TNFSF4: variants seen among roughly 807,000 people sequenced by gnomAD.
TNFSF4 encodes the protein tumor necrosis factor ligand superfamily member 4.
Under a neutral mutation model 7.3 loss-of-function variants are expected in TNFSF4, and 4 were observed. That is an observed-to-expected ratio of 0.55 (90% CI 0.27 to 1.25). The LOEUF is 1.25. TNFSF4 is among the 50% of genes most tolerant of loss of function. TNFSF4 has a pLI of 0.12. For synonymous variants in TNFSF4, 76 were observed against 83.7 expected (o/e 0.91, Z 0.50); for missense variants, 181 against 208.8 (o/e 0.87, Z 0.82).
the TNFSF4 span, among the ~76,000 whole-genome samples, chr1:173,246,267 A>G: frequency 6.6e-6 from 1 of 152,054 alleles, no homozygotes; most frequent in Non-Finnish European, 1.5e-5. Context: ...TTTAAGCCCC[A>G]TATGCATTAG....
chr1:173,217,720 T>G, the TNFSF4 span, among the ~76,000 whole-genome samples: 31 of 152,174 alleles, frequency 2.0e-4, no homozygotes, highest in African/African-American at 7.2e-5. Context: ...ACAATTAATT[T>G]TATCTGTTTC....
the TNFSF4 span, chr1:173,418,143 G>T: frequency 2.0e-5 from 3 of 152,286 alleles, no homozygotes; most frequent in Non-Finnish European, 4.4e-5. Context: ...CAGCTCTGCT[G>T]AAGCACGCAG....
chr1:173,228,176 C>G, the TNFSF4 span, among the ~76,000 whole-genome samples: 1 of 152,184 alleles, frequency 6.6e-6, no homozygotes, highest in Non-Finnish European at 1.5e-5. Flanking sequence ...GGAGGCACCC[C>G]CGAGTAGGAG....
chr1:173,409,696 T>A, the TNFSF4 span, among the ~76,000 whole-genome samples: 1 of 152,224 alleles, frequency 6.6e-6, no homozygotes, highest in Non-Finnish European at 1.5e-5. Context: ...TTCTTAAAAA[T>A]CAAGTATTCT....
chr1:173,400,356 C>T, the TNFSF4 span, among the ~76,000 whole-genome samples: 1 of 152,190 alleles, frequency 6.6e-6, no homozygotes, highest in Non-Finnish European at 1.5e-5. Flanking sequence ...GCTGTTTCTC[C>T]CATAGCCAGG....
At chr1:173,339,254 T>C in the TNFSF4 span, among the ~76,000 whole-genome samples, 1 of 152,060 alleles carries the variant, frequency 6.6e-6, no homozygotes, top group East Asian at 1.9e-4. Context: ...TGGTGGTGCA[T>C]GCTTGTAGTT....
At chr1:173,428,038 C>T in the TNFSF4 span, among the ~76,000 whole-genome samples, 2 of 151,794 alleles carry the variant, frequency 1.3e-5, no homozygotes, top group African/African-American at 4.8e-5. Flanking sequence ...ACCTTCACCT[C>T]CCAGGTTCAA....
chr1:173,173,065 G>A, the TNFSF4 span, among the ~76,000 whole-genome samples: 2 of 152,270 alleles, frequency 1.3e-5, no homozygotes, highest in East Asian at 3.9e-4. Context: ...ACTATCATGA[G>A]AACAGCTTGG....
the TNFSF4 span, chr1:173,363,352 AACT>A: frequency 3.2e-6 from 1 of 310,192 alleles, no homozygotes; most frequent in Non-Finnish European, 6.5e-6. Flanking sequence ...TGCAGCTATC[AACT>A]GAGATATCAG....
the TNFSF4 span, among the ~76,000 whole-genome samples, chr1:173,346,010 A>G: frequency 1.3e-5 from 2 of 152,136 alleles, no homozygotes; most frequent in Non-Finnish European, 2.9e-5. Flanking sequence ...GGGAGGATTT[A>G]ACGAGAGGGC....
chr1:173,383,017 G>A, the TNFSF4 span, among the ~76,000 whole-genome samples: 350 of 152,244 alleles, frequency 2.3e-3, 5 homozygotes, highest in African/African-American at 8.1e-3. Context: ...CTGGTACTCT[G>A]CTTGGGATCT....
At chr1:173,226,860 C>A in the TNFSF4 span, among the ~76,000 whole-genome samples, 1 of 152,160 alleles carries the variant, frequency 6.6e-6, no homozygotes, top group African/African-American at 2.4e-5. Flanking sequence ...AGATTTGCAG[C>A]TTTACTTATT....
chr1:173,243,944 T>C, the TNFSF4 span, among the ~76,000 whole-genome samples: 1 of 152,350 alleles, frequency 6.6e-6, no homozygotes, highest in East Asian at 1.9e-4. Flanking sequence ...TGTATCTTGA[T>C]ACATTATTGC....
the TNFSF4 span, among the ~76,000 whole-genome samples, chr1:173,419,175 C>A: frequency 2.0e-5 from 3 of 151,514 alleles, no homozygotes; most frequent in Non-Finnish European, 4.4e-5. Context: ...CCATCTCTAC[C>A]AAAAAAATAC....
chr1:173,395,821 T>C, the TNFSF4 span, among the ~76,000 whole-genome samples: 1 of 151,660 alleles, frequency 6.6e-6, no homozygotes, highest in East Asian at 1.9e-4. Flanking sequence ...ATTCTAGTAG[T>C]TTTTTTTGCC....
chr1:173,362,904 C>A, the TNFSF4 span: 1 of 480,496 alleles, frequency 2.1e-6, no homozygotes. Flanking sequence ...ATCACCCAAG[C>A]ATAATCTATA....
At chr1:173,408,173 C>T in the TNFSF4 span, among the ~76,000 whole-genome samples, 1 of 152,168 alleles carries the variant, frequency 6.6e-6, no homozygotes, top group Non-Finnish European at 1.5e-5. Context: ...CTTCTAAATA[C>T]CATTTTCCAT....
the TNFSF4 span, among the ~76,000 whole-genome samples, chr1:173,296,064 C>T: frequency 4.6e-5 from 7 of 152,134 alleles, no homozygotes; most frequent in Admixed American, 3.3e-4. Context: ...AACCCTAGTA[C>T]ATTCCTATTA....
the TNFSF4 span, among the ~76,000 whole-genome samples, chr1:173,253,678 G>A: frequency 2.0e-5 from 3 of 152,278 alleles, no homozygotes; most frequent in South Asian, 2.1e-4. Context: ...CTCTGGTATG[G>A]GGATTGTGGA....
Sources: allele counts gnomAD v4.1 joint callset (sites outside exome capture counted in the v4.1 genomes callset), GRCh38; gene constraint gnomAD v4.1.1; transcripts MANE v1.5; gene names NCBI Gene and HGNC (gene_info 2026-07-23, HGNC 2026-07-21).